The following DLGAP1 variants were observed in gnomAD, a reference collection of about 807,000 sequenced individuals.
The protein encoded by DLGAP1 is DLG associated protein 1.
In DLGAP1, 11 loss-of-function variants were observed where a neutral mutation model predicts 90.8. That is an observed-to-expected ratio of 0.12 (90% CI 0.08 to 0.20). DLGAP1 has a LOEUF of 0.20. DLGAP1 is among the 10% of genes least tolerant of loss of function. The probability of loss-of-function intolerance (pLI) is 1.00; values close to 1 mark genes in which losing one functional copy is unlikely to be tolerated. For missense variants in DLGAP1, 1,050 were observed against 1,333.8 expected (o/e 0.79, Z 3.31); for synonymous variants, 558 against 540.7 (o/e 1.03, Z -0.44).
At chr18:4,054,847 G>A (rs562188975) in intron 2 of DLGAP1, among the ~76,000 whole-genome samples, 1 of 152,250 alleles carries the variant, frequency 6.6e-6, no homozygotes, top group East Asian at 1.9e-4. Flanking sequence ...CTTGAGCACT[G>A]GCTTTAGAAA....
intron 1 of DLGAP1, among the ~76,000 whole-genome samples, chr18:4,284,764 C>T (rs867053128): frequency 2.2e-4 from 33 of 152,116 alleles, no homozygotes; most frequent in African/African-American, 7.2e-4. Flanking sequence ...GGACTGCAGG[C>T]TCAATTGGTC....
chr18:3,559,705 C>T (rs1042257168), intron 9 of DLGAP1, among the ~76,000 whole-genome samples: 1 of 151,590 alleles, frequency 6.6e-6, no homozygotes, highest in African/African-American at 2.4e-5. Context: ...TCACTGCAAC[C>T]TCTGCCTCCT....
At chr18:3,718,974 T>C (rs2061867391) in intron 7 of DLGAP1, among the ~76,000 whole-genome samples, 1 of 151,200 alleles carries the variant, frequency 6.6e-6, no homozygotes, top group African/African-American at 2.4e-5. Flanking sequence ...TTCTCAAATT[T>C]GGCAATTTGG....
chr18:4,436,547 C>T (rs190653648), intron 1 of DLGAP1, among the ~76,000 whole-genome samples: 1 of 152,022 alleles, frequency 6.6e-6, no homozygotes, highest in Admixed American at 6.6e-5. Flanking sequence ...AATCATAGGA[C>T]ATGCTTTATA....
intron 7 of DLGAP1, among the ~76,000 whole-genome samples, chr18:3,612,173 T>C (rs1421997494): frequency 1.3e-5 from 2 of 152,182 alleles, no homozygotes; most frequent in Non-Finnish European, 2.9e-5. Flanking sequence ...CTGGGCAACA[T>C]AGCAAGATCC....
At chr18:4,414,265 G>T (rs2082843462) in intron 1 of DLGAP1, among the ~76,000 whole-genome samples, 1 of 152,126 alleles carries the variant, frequency 6.6e-6, no homozygotes, top group African/African-American at 2.4e-5. Context: ...GAAATGTCTT[G>T]GAAGTGCTTT....
rs1274663694 is a variant in DLGAP1 at position 3,633,345 on chromosome 18, G to A, written c.1592-51097C>T. On this transcript the variant is annotated intron_variant, in intron 7 of 12. Coordinates refer to ENST00000315677, the MANE Select transcript of DLGAP1 (RefSeq NM_004746.4). ...TTGAACCCAGAAAGCAGAGGTTGCA[G>A]TGAGCTGAGATCATGCCACTGCACT... is the stretch of plus-strand genomic sequence containing the variant. 3.3e-5 allele frequency among the ~76,000 whole-genome samples: 5 copies of A among 150,894 alleles called. No individual in the cohort carries two copies. The South Asian group carries it at 8.4e-4, about 25-fold the overall frequency.
At chr18:3,696,270 G>T (rs1056267541) in intron 7 of DLGAP1, among the ~76,000 whole-genome samples, 48 of 152,264 alleles carry the variant, frequency 3.2e-4, no homozygotes, top group Admixed American at 3.0e-3. Flanking sequence ...TCCTTGTCTT[G>T]TGCCGGTTTT....
intron 1 of DLGAP1, among the ~76,000 whole-genome samples, chr18:4,180,665 C>T (rs989974182): frequency 6.6e-6 from 1 of 152,176 alleles, no homozygotes; most frequent in Non-Finnish European, 1.5e-5. Flanking sequence ...CCCAGGCTCA[C>T]CTAGTATTAA....
intron 2 of DLGAP1, among the ~76,000 whole-genome samples, chr18:4,140,468 C>A (rs1163651718): frequency 2.0e-5 from 3 of 151,888 alleles, no homozygotes; most frequent in African/African-American, 7.2e-5. Context: ...CTATTTATAT[C>A]TTATTCTACT....
intron 1 of DLGAP1, among the ~76,000 whole-genome samples, chr18:4,386,321 C>A (rs1162155772): frequency 6.6e-6 from 1 of 152,128 alleles, no homozygotes; most frequent in Non-Finnish European, 1.5e-5. Flanking sequence ...TATTCCATTT[C>A]TTTTTATTAT....
At chr18:3,550,160 C>T (rs1310362321) in intron 9 of DLGAP1, among the ~76,000 whole-genome samples, 1 of 152,068 alleles carries the variant, frequency 6.6e-6, no homozygotes, top group Non-Finnish European at 1.5e-5. Flanking sequence ...GATCCACCTG[C>T]CTCGGCCTCC....
At chr18:4,174,919 T>C (rs937896649) in intron 1 of DLGAP1, among the ~76,000 whole-genome samples, 2 of 152,236 alleles carry the variant, frequency 1.3e-5, no homozygotes, top group African/African-American at 4.8e-5. Context: ...GCTTCATCCA[T>C]GTCCCTGTGA....
intron 2 of DLGAP1, among the ~76,000 whole-genome samples, chr18:4,130,077 A>G (rs967286071): frequency 1.3e-5 from 2 of 152,200 alleles, no homozygotes; most frequent in Non-Finnish European, 2.9e-5. Flanking sequence ...AAATGATCAT[A>G]GTCTGTTCAA....
chr18:3,694,985 A>G (rs1005840929), intron 7 of DLGAP1, among the ~76,000 whole-genome samples: 3 of 142,782 alleles, frequency 2.1e-5, no homozygotes, highest in Non-Finnish European at 4.5e-5. Context: ...TGTCGCCCAG[A>G]CTGGAGTGCG....
intron 2 of DLGAP1, among the ~76,000 whole-genome samples, chr18:4,048,231 AT>A (rs564219528): frequency 2.0e-5 from 3 of 152,172 alleles, no homozygotes; most frequent in Non-Finnish European, 2.9e-5. Context: ...ATATAAAAAC[AT>A]TTTTTCAGCC....
At chr18:3,722,111 G>A (rs2147357272) in intron 7 of DLGAP1, 1 of 152,238 alleles carries the variant, frequency 6.6e-6, no homozygotes, top group Non-Finnish European at 1.5e-5. Context: ...AGCCTTTAAG[G>A]CCAGTGTGCC....
At chr18:4,293,100 A>G (rs1329482390) in intron 1 of DLGAP1, 1 of 152,224 alleles carries the variant, frequency 6.6e-6, no homozygotes, top group Non-Finnish European at 1.5e-5. Context: ...GTTTAAGGAC[A>G]AAGGTGATTA....
At chr18:4,105,924 C>T (rs910263055) in intron 2 of DLGAP1, among the ~76,000 whole-genome samples, 1 of 147,698 alleles carries the variant, frequency 6.8e-6, no homozygotes, top group Non-Finnish European at 1.5e-5. Context: ...CCCAGCTACT[C>T]GGGAGGCCGA....
Sources: gnomAD v4.1 joint callset for allele counts (sites outside exome capture counted in the v4.1 genomes callset) on GRCh38, gnomAD v4.1.1 for gene constraint, MANE v1.5 for transcripts, NCBI Gene and HGNC (gene_info 2026-07-23, HGNC 2026-07-21) for gene names.